Variants in GRIN2A observed in about 807,000 individuals in gnomAD.
The protein encoded by GRIN2A is glutamate ionotropic receptor NMDA type subunit 2A.
Under a neutral mutation model 113.4 loss-of-function variants are expected in GRIN2A, and 22 were observed. That is an observed-to-expected ratio of 0.19 (90% CI 0.14 to 0.28). The LOEUF (loss-of-function observed/expected upper bound fraction) is 0.28, where lower values mean the gene tolerates loss of function less well. Ranked by LOEUF, GRIN2A falls within the 10% of genes least tolerant of loss-of-function variation. GRIN2A has a pLI of 1.00. For synonymous variants in GRIN2A, 827 were observed against 738.4 expected (o/e 1.12, Z -1.94); for missense variants, 1,502 against 1,887.0 (o/e 0.80, Z 3.78).
At chr16:10,021,912 C>T (rs1044857833) in intron 2 of GRIN2A, among the ~76,000 whole-genome samples, 1 of 152,150 alleles carries the variant, frequency 6.6e-6, no homozygotes, top group African/African-American at 2.4e-5. Flanking sequence ...TGGGGATCAT[C>T]ATGCTGTGTT....
intron 2 of GRIN2A, among the ~76,000 whole-genome samples, chr16:9,974,585 C>T (rs535629299): frequency 6.6e-6 from 1 of 152,290 alleles, no homozygotes; most frequent in East Asian, 1.9e-4. Context: ...ATGCTCGCGG[C>T]CGAATAAACC....
intron 2 of GRIN2A, among the ~76,000 whole-genome samples, chr16:9,996,516 C>T (rs1404385703): frequency 2.0e-5 from 3 of 152,312 alleles, no homozygotes; most frequent in Admixed American, 6.5e-5. Context: ...GCCAGAGTGT[C>T]GAAATCCAAC....
At chr16:9,798,633 A>AT (rs747398090) in intron 10 of GRIN2A, among the ~76,000 whole-genome samples, 169 bp from the exon 11 acceptor site, 17 of 152,204 alleles carry the variant, frequency 1.1e-4, no homozygotes, top group Non-Finnish European at 2.5e-4. Flanking sequence ...TAATGAGGAG[A>AT]TAAAAGCCAG....
At chr16:9,891,558 G>A (rs981008412) in intron 3 of GRIN2A, among the ~76,000 whole-genome samples, 11 of 152,196 alleles carry the variant, frequency 7.2e-5, no homozygotes, top group Non-Finnish European at 1.6e-4. Flanking sequence ...ATAAGAAAAT[G>A]AACATAATTC....
In GRIN2A at chr16:10,045,568, G is replaced by A. The variant is rs569928434; in HGVS notation, c.415-107017C>T. ...GCCAGAGGTGACAACCTATCCTCGG[G>A]GTTTGGCAGTGAGCCTGATGAAGAT... On this transcript the variant is annotated intron_variant, in intron 2 of 12. Coordinates refer to ENST00000330684, the MANE Select transcript of GRIN2A (RefSeq NM_001134407.3). Among the ~76,000 whole-genome samples the A allele has an allele frequency of 1.4e-4, 21 of 152,324 alleles. No homozygotes were observed. In the South Asian group the frequency reaches 4.1e-3, roughly 30 times the overall value.
chr16:10,160,256 G>A (rs927797862), intron 2 of GRIN2A, among the ~76,000 whole-genome samples: 1 of 152,158 alleles, frequency 6.6e-6, no homozygotes, highest in Non-Finnish European at 1.5e-5. Context: ...ACAATGTTCT[G>A]AGTGCTGGAA....
chr16:10,028,995 G>A (rs572954760), intron 2 of GRIN2A, among the ~76,000 whole-genome samples: 1 of 152,308 alleles, frequency 6.6e-6, no homozygotes, highest in Admixed American at 6.5e-5. Context: ...AGGAAAGGGG[G>A]AGTCCTCTTT....
intron 11 of GRIN2A, among the ~76,000 whole-genome samples, chr16:9,773,380 T>C (rs2141163488): frequency 6.6e-6 from 1 of 152,332 alleles, no homozygotes; most frequent in East Asian, 1.9e-4. Flanking sequence ...ATGTCGTTTT[T>C]CCAAGGAGTG....
chr16:10,115,742 G>C lies in GRIN2A; in HGVS notation c.414+64256C>G, dbSNP rs1596522670. ...TGGGGTATGGGGGCGTGGGGACACT[G>C]TTTCTCAGAAGCCTTCATTATTTCA... is the stretch of plus-strand genomic sequence containing the variant. On this transcript the variant is annotated intron_variant, in intron 2 of 12. Coordinates refer to ENST00000330684, the MANE Select transcript of GRIN2A (RefSeq NM_001134407.3). 2.0e-5 allele frequency among the ~76,000 whole-genome samples: 3 copies of C among 152,176 alleles called. No homozygotes were observed. In the South Asian group the frequency reaches 6.2e-4, roughly 32 times the overall value.
chr16:9,941,056 C>T (rs981462570), intron 2 of GRIN2A, among the ~76,000 whole-genome samples: 3 of 152,172 alleles, frequency 2.0e-5, no homozygotes, highest in African/African-American at 4.8e-5. Flanking sequence ...AGCCAGTCAC[C>T]AGAGTTACCT....
intron 2 of GRIN2A, among the ~76,000 whole-genome samples, chr16:10,096,799 T>G (rs989423503): frequency 1.1e-4 from 16 of 152,134 alleles, no homozygotes; most frequent in Non-Finnish European, 2.2e-4. Context: ...CCCCCACACA[T>G]AGACCTGCTA....
chr16:10,021,550 A>G (rs2046722146), intron 2 of GRIN2A, among the ~76,000 whole-genome samples: 1 of 152,174 alleles, frequency 6.6e-6, no homozygotes, highest in South Asian at 2.1e-4. Context: ...TAAAAAAGGA[A>G]GCTGAAATCC....
At position 9,986,128 on chromosome 16, in the gene GRIN2A, C is replaced by T. The variant is rs557540580; in HGVS notation, c.415-47577G>A. Among the ~76,000 whole-genome samples, 74 of 151,840 alleles carry T rather than the reference C, an allele frequency of 4.9e-4. 1 individual carries two copies. The highest frequency in any genetic ancestry group is 1.8e-3 in the African/African-American group (73 of 41,376). On this transcript the variant is annotated intron_variant, in intron 2 of 12. Transcript: ENST00000330684. ...ACAATTACCCAACCTCCTTTGGAAA[C>T]AGAAATCAACAGCATTGTTCCTTCT... is the stretch of plus-strand genomic sequence containing the variant.
intron 10 of GRIN2A, among the ~76,000 whole-genome samples, chr16:9,806,436 A>C (rs1269059433): frequency 6.6e-6 from 1 of 151,544 alleles, no homozygotes; most frequent in Non-Finnish European, 1.5e-5. Context: ...TATTTTTTTT[A>C]CCAATAATAT....
intron 2 of GRIN2A, among the ~76,000 whole-genome samples, chr16:10,169,300 T>A (rs539888372): frequency 3.5e-4 from 54 of 152,314 alleles, no homozygotes; most frequent in African/African-American, 1.2e-3. Context: ...TATAATGGTG[T>A]TAGTGTTGCT....
intron 2 of GRIN2A, among the ~76,000 whole-genome samples, chr16:10,030,131 G>A (rs1596442622): frequency 6.6e-6 from 1 of 152,146 alleles, no homozygotes; most frequent in Non-Finnish European, 1.5e-5. Flanking sequence ...CCTATGGACA[G>A]GAAGGGATCA....
chr16:9,866,798 C>T (rs987160163), intron 4 of GRIN2A, among the ~76,000 whole-genome samples: 1 of 152,136 alleles, frequency 6.6e-6, no homozygotes, highest in Non-Finnish European at 1.5e-5. Flanking sequence ...ACTGTAGCCA[C>T]CCATTCCTAT....
chr16:10,169,440 G>T (rs1490319820), intron 2 of GRIN2A, among the ~76,000 whole-genome samples: 1 of 152,150 alleles, frequency 6.6e-6, no homozygotes, highest in Non-Finnish European at 1.5e-5. Flanking sequence ...TTGAGCAGTG[G>T]GAATGTGACC....
Position 9,754,220 on chromosome 16 carries a change from CAATT to C in GRIN2A, c.*8925_*8928del, listed in dbSNP as rs747160720. ...TGATATAAACTATGGTGAATTCTGC[CAATT>C]AATTCAGCAGGTTTATGCTTTTAAA... is the stretch of plus-strand genomic sequence containing the variant. On this transcript the variant is annotated 3_prime_UTR_variant, in exon 13 of 13. Coordinates refer to ENST00000330684, the MANE Select transcript of GRIN2A (RefSeq NM_001134407.3). 5 of 191,996 alleles carry C rather than the reference CAATT, an allele frequency of 2.6e-5. No individual in the cohort carries two copies. Among genetic ancestry groups the C allele is most frequent in the African/African-American group, 7.0e-5 (3 of 42,966 alleles). 11.9% of individuals were successfully genotyped at this position (191,996 alleles called of 1,614,324 possible).
Sources: allele counts gnomAD v4.1 joint callset (sites outside exome capture counted in the v4.1 genomes callset), GRCh38; gene constraint gnomAD v4.1.1; transcripts MANE v1.5; gene names NCBI Gene and HGNC (gene_info 2026-07-23, HGNC 2026-07-21).